The following SPACA7 variants were observed in gnomAD, a reference collection of about 807,000 sequenced individuals.
SPACA7 encodes the protein sperm acrosome associated 7.
A neutral mutation model predicts 26.3 loss-of-function variants in SPACA7; 19 were observed. The ratio of observed to expected loss-of-function variants is 0.72; its 90% confidence interval spans 0.50 to 1.06. The LOEUF (loss-of-function observed/expected upper bound fraction) is 1.06. Ranked by LOEUF, SPACA7 falls within the 50% of genes least tolerant of loss-of-function variation. The pLI, the probability that SPACA7 is intolerant of heterozygous loss-of-function variation, is 0.00. For synonymous variants in SPACA7, 84 were observed against 84.5 expected (o/e 0.99, Z 0.04); for missense variants, 211 against 229.9 (o/e 0.92, Z 0.53).
At chr13:112,407,522 A>G (rs1474909972) in intron 5 of SPACA7, among the ~76,000 whole-genome samples, 1 of 152,196 alleles carries the variant, frequency 6.6e-6, no homozygotes, top group East Asian at 1.9e-4. Flanking sequence ...GCAACAAAAA[A>G]TGGTAAAGGG....
intron 5 of SPACA7, among the ~76,000 whole-genome samples, chr13:112,420,705 G>A (rs753483789): frequency 3.9e-4 from 59 of 151,954 alleles, no homozygotes; most frequent in Non-Finnish European, 4.7e-4. Flanking sequence ...TCAAACTACC[G>A]ATCCAAGTAT....
rs533420217 is a variant in SPACA7 at position 112,383,105 on chromosome 13, GA to G, written c.94+6630del. The stretch of plus-strand genomic sequence containing the variant: ...GAAAAAGAAAGAAAGAAAGAAGAAA[GA>G]AAAGAAAAGAAAAGAAAAGAAAGAA... On this transcript the variant is annotated intron_variant, in intron 1 of 6. Coordinates refer to ENST00000283550, the MANE Select transcript of SPACA7 (RefSeq NM_145248.5). Among the ~76,000 whole-genome samples the G allele has an allele frequency of 3.8e-3, 73 of 19,148 alleles. 1 individual carries two copies. In the South Asian group the frequency reaches 0.079, roughly 21 times the overall value. The allele number at this position is 19,148 out of a possible 152,430, so 12.6% of individuals were successfully genotyped here.
At chr13:112,413,345 G>C (rs754171555) in intron 5 of SPACA7, among the ~76,000 whole-genome samples, 1 of 148,688 alleles carries the variant, frequency 6.7e-6, no homozygotes, top group Non-Finnish European at 1.5e-5. Flanking sequence ...TTGCTGAGTA[G>C]AGCATTCTTG....
chr13:112,404,978 C>CTTTTTTT (rs373253878), intron 5 of SPACA7, among the ~76,000 whole-genome samples: 19 of 94,246 alleles, frequency 2.0e-4, no homozygotes, highest in East Asian at 1.1e-3. Context: ...GTATTCTCTT[C>CTTTTTTT]TTTTTTTTTT....
Position 112,383,176 on chromosome 13 carries a change from A to G in SPACA7, c.94+6697A>G, listed in dbSNP as rs951646704. On this transcript the variant is annotated intron_variant, in intron 1 of 6. Coordinates refer to ENST00000283550, the MANE Select transcript of SPACA7 (RefSeq NM_145248.5). ...AAGAAAGAAAGAAAGAAAGAAAGAA[A>G]GAAAGAAAGAAAGAAAGAAAAGAAA... 7.9e-5 allele frequency among the ~76,000 whole-genome samples: 11 copies of G among 139,276 alleles called. 1 individual carries two copies. Among genetic ancestry groups the G allele is most frequent in the African/African-American group, 3.1e-4 (11 of 35,120 alleles). The allele number at this position is 139,276 out of a possible 152,430, so 91.4% of individuals were successfully genotyped here.
chr13:112,410,201 T>A (rs1454622732), intron 5 of SPACA7, among the ~76,000 whole-genome samples: 1 of 151,800 alleles, frequency 6.6e-6, no homozygotes, highest in Admixed American at 6.6e-5. Context: ...AAATATCAGA[T>A]GCTGGGGCCT....
At chr13:112,394,752 C>G (rs1203499300) in intron 2 of SPACA7, among the ~76,000 whole-genome samples, 2 of 152,198 alleles carry the variant, frequency 1.3e-5, no homozygotes. Flanking sequence ...GTGCCAGATT[C>G]TGAGAGTTTT....
At chr13:112,397,977 C>A in intron 2 of SPACA7, 72 bp from the exon 3 acceptor site, 2 of 912,996 alleles carry the variant, frequency 2.2e-6, no homozygotes, top group Non-Finnish European at 3.6e-6. Context: ...GTACAGATGG[C>A]CTTAGGGGAC....
chr13:112,418,310 A>G (rs1287093529), intron 5 of SPACA7, among the ~76,000 whole-genome samples: 1 of 152,218 alleles, frequency 6.6e-6, no homozygotes, highest in East Asian at 1.9e-4. Flanking sequence ...CCCTTATGAA[A>G]CATAGAAATT....
chr13:112,413,743 G>A (rs780031272), intron 5 of SPACA7, among the ~76,000 whole-genome samples: 2 of 152,146 alleles, frequency 1.3e-5, no homozygotes, highest in Non-Finnish European at 2.9e-5. Context: ...GATTTCATAA[G>A]TGTTCTGCAT....
In SPACA7 at chr13:112,420,700, C is replaced by T. The variant is rs144870627; in HGVS notation, c.446-11744C>T. ...CCCAAAAGTAATAAAAGTTATCAAACTACCGATCCAAGTATCTCAGAGAAC... is the reference window on the plus strand; with the variant it reads ...CCCAAAAGTAATAAAAGTTATCAAATTACCGATCCAAGTATCTCAGAGAAC... On this transcript the variant is annotated intron_variant, in intron 5 of 6. Coordinates refer to ENST00000283550, the MANE Select transcript of SPACA7 (RefSeq NM_145248.5). 3.3e-3 allele frequency among the ~76,000 whole-genome samples: 496 copies of T among 152,048 alleles called. 1 individual carries two copies. The highest frequency in any genetic ancestry group is 0.011 in the African/African-American group (473 of 41,488).
At chr13:112,395,359 G>A (rs190969491) in intron 2 of SPACA7, among the ~76,000 whole-genome samples, 3 of 152,368 alleles carry the variant, frequency 2.0e-5, no homozygotes, top group African/African-American at 4.8e-5. Context: ...CAGGGGTTGC[G>A]CTTCGGCTGC....
chr13:112,412,999 T>G (rs1886446225), intron 5 of SPACA7, among the ~76,000 whole-genome samples: 1 of 152,182 alleles, frequency 6.6e-6, no homozygotes, highest in Non-Finnish European at 1.5e-5. Context: ...CCTCCTGCAT[T>G]TTCACGTTTT....
chr13:112,380,386 C>T (rs1217612970), intron 1 of SPACA7, among the ~76,000 whole-genome samples: 1 of 86,432 alleles, frequency 1.2e-5, no homozygotes, highest in African/African-American at 4.9e-5. Context: ...GCCTAGGCAA[C>T]AAGAGCAAAA....
In SPACA7 at chr13:112,433,774, C is replaced by T. The variant is rs1325758085; in HGVS notation, c.524-711C>T. 3.9e-5 allele frequency among the ~76,000 whole-genome samples: 6 copies of T among 152,304 alleles called. No individual in the cohort carries two copies. In the East Asian group the frequency reaches 1.2e-3, roughly 29 times the overall value. Reference sequence around the variant, plus strand: ...CCAGGCCACAAGGTCTGCTCGTGCCCCCAGCAGCAGGGACCAGGCCAACAC... The same window carrying T: ...CCAGGCCACAAGGTCTGCTCGTGCCTCCAGCAGCAGGGACCAGGCCAACAC... On this transcript the variant is annotated intron_variant, in intron 6 of 6. Transcript: ENST00000283550.
chr13:112,432,791 A>G (rs1877291353), intron 6 of SPACA7, among the ~76,000 whole-genome samples: 1 of 152,182 alleles, frequency 6.6e-6, no homozygotes, highest in African/African-American at 2.4e-5. Flanking sequence ...CCTTTTCCCA[A>G]GAATAATCAG....
At chr13:112,383,175 AAGAAAG>A (rs1884299142) in intron 1 of SPACA7, among the ~76,000 whole-genome samples, 1 of 140,408 alleles carries the variant, frequency 7.1e-6, no homozygotes, top group Non-Finnish European at 1.5e-5. Context: ...GAAAGAAAGA[AAGAAAG>A]AAAGAAAGAA....
intron 5 of SPACA7, among the ~76,000 whole-genome samples, chr13:112,431,330 A>C (rs923977455): frequency 6.6e-6 from 1 of 152,126 alleles, no homozygotes; most frequent in Non-Finnish European, 1.5e-5. Context: ...AGAAAACCCA[A>C]CTTCCCCATG....
At chr13:112,396,224 T>A (rs1173526507) in intron 2 of SPACA7, among the ~76,000 whole-genome samples, 5 of 151,280 alleles carry the variant, frequency 3.3e-5, no homozygotes, top group Non-Finnish European at 7.4e-5. Context: ...GGTACAGTTG[T>A]TAGAGATGGA....
Sources: allele counts gnomAD v4.1 joint callset (sites outside exome capture counted in the v4.1 genomes callset), GRCh38; gene constraint gnomAD v4.1.1; transcripts MANE v1.5; gene names NCBI Gene and HGNC (gene_info 2026-07-23, HGNC 2026-07-21).